TTLL11: variants seen among roughly 807,000 people sequenced by gnomAD.
The protein encoded by TTLL11 is tubulin polyglutamylase TTLL11.
TTLL11 carries 42 observed loss-of-function variants against 51.7 expected under a neutral mutation model. The ratio of observed to expected loss-of-function variants is 0.81; its 90% CI spans 0.64 to 1.05. The LOEUF (loss-of-function observed/expected upper bound fraction) is 1.05, where lower values mean the gene tolerates loss of function less well. Ranked by LOEUF, TTLL11 falls within the 50% of genes least tolerant of loss-of-function variation. The pLI is 0.00. For synonymous variants in TTLL11, 381 were observed against 383.5 expected (o/e 0.99, Z 0.08); for missense variants, 799 against 940.4 (o/e 0.85, Z 1.97).
chr9:122,020,117 C>A lies in TTLL11; in HGVS notation c.693+11606G>T, dbSNP rs117090652. 1.3e-3 allele frequency among the ~76,000 whole-genome samples: 192 copies of A among 152,302 alleles called. 7 individuals are homozygous for A. In the East Asian group the frequency reaches 0.031, roughly 25 times the overall value. ...TACAAGCTGTAAGCCGCCATGCCTG[C>A]CCTAAATCCTTTTCTCTTAAACTTT... On this transcript the variant is annotated intron_variant, in intron 3 of 8. Coordinates refer to ENST00000321582, the MANE Select transcript of TTLL11 (RefSeq NM_001139442.2).
chr9:121,856,261 C>T (rs115575444), intron 8 of TTLL11, among the ~76,000 whole-genome samples: 2,719 of 152,218 alleles, frequency 0.018, 87 homozygotes, highest in African/African-American at 0.059. Context: ...TTAATAGAGA[C>T]GGGGTCTTGC....
chr9:121,864,737 T>C (rs1838130220), intron 7 of TTLL11, among the ~76,000 whole-genome samples: 1 of 152,158 alleles, frequency 6.6e-6, no homozygotes, highest in Non-Finnish European at 1.5e-5. Flanking sequence ...TTTTCCAGAA[T>C]CAAAGGAATT....
chr9:121,969,859 T>C (rs1277216038), intron 6 of TTLL11, among the ~76,000 whole-genome samples: 3 of 152,188 alleles, frequency 2.0e-5, no homozygotes, highest in Non-Finnish European at 4.4e-5. Context: ...CAGGTAATTT[T>C]TCAACTTATT....
chr9:121,963,657 C>T (rs1424860471), intron 6 of TTLL11: 2 of 152,322 alleles, frequency 1.3e-5, no homozygotes, highest in East Asian at 3.9e-4. Context: ...TGGAATGACA[C>T]TCTCACATCA....
At chr9:121,926,329 G>A (rs9408932) in intron 6 of TTLL11, among the ~76,000 whole-genome samples, 2,405 of 152,302 alleles carry the variant, frequency 0.016, 27 homozygotes, top group Non-Finnish European at 0.023. Context: ...TTATCCACAC[G>A]CTCTCCCTCC....
intron 6 of TTLL11, among the ~76,000 whole-genome samples, chr9:121,880,647 G>A (rs1020504280): frequency 6.6e-6 from 1 of 152,136 alleles, no homozygotes; most frequent in Non-Finnish European, 1.5e-5. Context: ...TTTTCTAGAC[G>A]GAAAGTTCCC....
rs560137265 is a variant in TTLL11 at position 121,887,568 on chromosome 9, A to T, written c.1482-16820T>A. Among the ~76,000 whole-genome samples, 41 of 152,294 alleles carry T rather than the reference A, an allele frequency of 2.7e-4. No homozygotes were observed. The South Asian group carries it at 8.3e-3, about 31-fold the overall frequency. ...TCTCAGCTCAGCTCTGCCGGCTTCA[A>T]CTCAATTCTGGCCTGAAATAAGAAA... On this transcript the variant is annotated intron_variant, in intron 6 of 8. Transcript: ENST00000321582.
At chr9:122,038,904 A>G (rs1221084292) in intron 2 of TTLL11, among the ~76,000 whole-genome samples, 1 of 152,160 alleles carries the variant, frequency 6.6e-6, no homozygotes, top group Admixed American at 6.5e-5. Flanking sequence ...AGAAAAGGGA[A>G]GCTGATACCC....
At chr9:121,889,910 G>T (rs1431722002) in intron 6 of TTLL11, among the ~76,000 whole-genome samples, 2 of 151,188 alleles carry the variant, frequency 1.3e-5, no homozygotes, top group African/African-American at 4.9e-5. Context: ...GGGCGGGGCG[G>T]GGGGGGAGGT....
intron 6 of TTLL11, among the ~76,000 whole-genome samples, chr9:121,922,687 G>T (rs1840585331): frequency 6.6e-6 from 1 of 152,024 alleles, no homozygotes; most frequent in African/African-American, 2.4e-5. Flanking sequence ...GTATGTTAGA[G>T]CCCCAAGCAG....
rs896555489 is a variant in TTLL11, at chr9:121,974,964, T to G, written c.1285A>C (p.Ile429Leu). Residue 429 changes from isoleucine (I) to leucine (L), a missense_variant, in exon 5 of 9, where the codon ATT becomes CTT. Physicochemically the swap from Ile to Leu is conservative, Grantham distance 5 (BLOSUM62 2). This residue lies in a region of TTLL11 where 468 missense variants were observed against 612.8 expected (regional missense o/e 0.76). Transcript: ENST00000321582. Reference sequence around the variant, plus strand: ...GGCTTCAGATTTTTCATTAGAAGAATGTCAAAGCCTAAAATCTGGGCAGGA... The same window carrying G: ...GGCTTCAGATTTTTCATTAGAAGAAGGTCAAAGCCTAAAATCTGGGCAGGA... ...PTCFQILGFDILLMKNLKPIL... is the reference protein window; with the variant it reads ...PTCFQILGFDLLLMKNLKPIL... The G allele has an allele frequency of 7.8e-6, 12 of 1,541,500 alleles. No individual in the cohort carries two copies. Among genetic ancestry groups the G allele is most frequent in the Non-Finnish European group, 1.0e-5 (12 of 1,144,728 alleles).
chr9:122,039,450 G>T, intron 1 of TTLL11, 82 bp from the exon 2 acceptor site: 1 of 1,064,214 alleles, frequency 9.4e-7, no homozygotes, highest in Non-Finnish European at 1.4e-6. Flanking sequence ...CAAATTCCTG[G>T]CACCCTGGTG....
intron 6 of TTLL11, among the ~76,000 whole-genome samples, chr9:121,967,680 T>C (rs1221103913): frequency 6.6e-6 from 1 of 152,172 alleles, no homozygotes; most frequent in Non-Finnish European, 1.5e-5. Context: ...TAATGTAGAA[T>C]GCCAACATAT....
At chr9:122,053,794 G>A (rs1285535041) in intron 1 of TTLL11, among the ~76,000 whole-genome samples, 4 of 152,086 alleles carry the variant, frequency 2.6e-5, no homozygotes, top group Non-Finnish European at 1.5e-5. Flanking sequence ...CCTGCCCGTG[G>A]GCTACATTCC....
chr9:121,914,620 A>T (rs1357241092), intron 6 of TTLL11, among the ~76,000 whole-genome samples: 1 of 152,136 alleles, frequency 6.6e-6, no homozygotes, highest in East Asian at 1.9e-4. Flanking sequence ...GGGCGTCTCC[A>T]TGAAGAGCCT....
At chr9:122,007,768 A>C (rs1414637701) in intron 3 of TTLL11, among the ~76,000 whole-genome samples, 4 of 152,346 alleles carry the variant, frequency 2.6e-5, no homozygotes, top group Admixed American at 2.0e-4. Flanking sequence ...GATTCAGGCA[A>C]GAATCCTTAA....
intron 1 of TTLL11, among the ~76,000 whole-genome samples, chr9:122,067,731 G>A (rs1242935016): frequency 6.6e-6 from 1 of 152,156 alleles, no homozygotes; most frequent in Non-Finnish European, 1.5e-5. Context: ...TTGAACTCCT[G>A]ACCTCACGTG....
At chr9:122,090,699 T>G (rs1377299672) in intron 1 of TTLL11, among the ~76,000 whole-genome samples, 1 of 152,124 alleles carries the variant, frequency 6.6e-6, no homozygotes, top group Non-Finnish European at 1.5e-5. Context: ...TACCTGCGGG[T>G]ACAGCAATAA....
At chr9:121,957,821 G>A (rs546699517) in intron 6 of TTLL11, among the ~76,000 whole-genome samples, 22 of 152,296 alleles carry the variant, frequency 1.4e-4, no homozygotes, top group South Asian at 2.1e-4. Context: ...GGTGGGGGTC[G>A]TTGTGGACAG....
Sources: gnomAD v4.1 joint callset for allele counts (sites outside exome capture counted in the v4.1 genomes callset) on GRCh38, gnomAD v4.1.1 for gene constraint, gnomAD v4.1.1 regional missense constraint, MANE v1.5 for transcripts, NCBI Gene and HGNC (gene_info 2026-07-23, HGNC 2026-07-21) for gene names.